CTNNAL1: variants seen among roughly 807,000 people sequenced by gnomAD.
The protein encoded by CTNNAL1 is alpha-catulin.
In CTNNAL1, 69 loss-of-function variants were observed where a neutral mutation model predicts 93.6. The ratio of observed to expected loss-of-function variants is 0.74; its 90% CI spans 0.61 to 0.90. CTNNAL1 has a LOEUF of 0.90. Ranked by LOEUF, CTNNAL1 falls within the 40% of genes least tolerant of loss-of-function variation. The pLI is 0.00. For synonymous variants in CTNNAL1, 286 were observed against 305.4 expected (o/e 0.94, Z 0.66); for missense variants, 836 against 862.0 (o/e 0.97, Z 0.38).
chr9:109,000,415 T>C (rs969246255), intron 1 of CTNNAL1, among the ~76,000 whole-genome samples: 24 of 152,016 alleles, frequency 1.6e-4, no homozygotes, highest in Admixed American at 1.1e-3. Flanking sequence ...GAAATAACAA[T>C]CAACAAGAAA....
At chr9:109,001,172 C>CAAAAAAA (rs757020475) in intron 1 of CTNNAL1, among the ~76,000 whole-genome samples, 5 of 56,774 alleles carry the variant, frequency 8.8e-5, no homozygotes, top group Admixed American at 2.2e-4. Flanking sequence ...ACTCCATCTC[C>CAAAAAAA]AAAAAAAAAA....
chr9:108,990,627 A>G, intron 4 of CTNNAL1, 99 bp downstream of exon 4: 4 of 1,418,698 alleles, frequency 2.8e-6, no homozygotes, highest in Non-Finnish European at 3.8e-6. Context: ...AGACTTAATA[A>G]GCAAAGAAAC....
intron 11 of CTNNAL1, among the ~76,000 whole-genome samples, chr9:108,964,983 C>T (rs1186113939): frequency 1.3e-5 from 2 of 152,004 alleles, no homozygotes; most frequent in East Asian, 1.9e-4. Context: ...GTGCCTCAGC[C>T]GTAGTATCTG....
intron 1 of CTNNAL1, among the ~76,000 whole-genome samples, chr9:109,007,234 CAAAAAAGAA>C (rs1362668832): frequency 1.4e-5 from 2 of 147,168 alleles, no homozygotes; most frequent in Non-Finnish European, 3.0e-5. Context: ...GACTCCATCA[CAAAAAAGAA>C]AAAAAAGAAA....
At chr9:108,950,838 T>G (rs1308411075) in intron 14 of CTNNAL1, 1 of 398,378 alleles carries the variant, frequency 2.5e-6, no homozygotes, top group Non-Finnish European at 4.4e-6. Context: ...CCCTATGAGG[T>G]AAGACTTTGT....
At chr9:108,983,901 A>G (rs1387813049) in intron 5 of CTNNAL1, among the ~76,000 whole-genome samples, 1 of 152,184 alleles carries the variant, frequency 6.6e-6, no homozygotes, top group Non-Finnish European at 1.5e-5. Context: ...GTTTGGAAAT[A>G]CTCTTGATTG....
intron 1 of CTNNAL1, among the ~76,000 whole-genome samples, chr9:109,002,023 T>A (rs1350999891): frequency 6.6e-6 from 1 of 152,170 alleles, no homozygotes; most frequent in Non-Finnish European, 1.5e-5. Flanking sequence ...TTCGAGCGAA[T>A]AAAAACTAGA....
At chr9:109,012,341 A>G (rs562110707) in intron 1 of CTNNAL1, among the ~76,000 whole-genome samples, 2 of 152,308 alleles carry the variant, frequency 1.3e-5, no homozygotes, top group East Asian at 3.9e-4. Context: ...ATTTTTAGTC[A>G]GATAATCTTT....
chr9:108,950,441 C>G, intron 14 of CTNNAL1: 1 of 1,506,870 alleles, frequency 6.6e-7, no homozygotes, highest in Non-Finnish European at 8.9e-7. Flanking sequence ...TGATAAGGTA[C>G]TGACAAATGA....
Position 108,952,317 on chromosome 9 carries a change from G to C in CTNNAL1, c.1727C>G (p.Thr576Ser). 6.2e-7 allele frequency: 1 copy of C among 1,614,186 alleles called. No individual in the cohort carries two copies. The highest frequency in any genetic ancestry group is 8.5e-7 in the Non-Finnish European group (1 of 1,180,034). ...AKLGLKLGLL[T>S]SDADCEIEKW... ...CTCAATTTCGCAGTCAGCGTCAGAG[G>C]TGAGCAAACCCAGCTTAAGTCCAAG... Residue 576 changes from threonine to serine, a missense_variant, in exon 14 of 19, where the codon ACC becomes AGC. By Grantham distance (58) the Thr-to-Ser change is moderately conservative. Coordinates refer to ENST00000325551, the MANE Select transcript of CTNNAL1 (RefSeq NM_003798.4).
In CTNNAL1 at chr9:108,992,691, T is replaced by C. The variant is rs1401260927; in HGVS notation, c.460A>G (p.Lys154Glu). Residue 154 changes from lysine to glutamate, a missense_variant, in exon 3 of 19, where the codon AAA becomes GAA. Lys to Glu is a moderately conservative substitution (Grantham distance 56, BLOSUM62 1). Coordinates refer to ENST00000325551, the MANE Select transcript of CTNNAL1 (RefSeq NM_003798.4). ...ACTCGGTCTGCCAGCAACAACACTT[T>C]TGTCACTGAAGAAAGAAGTAATCTT... Reference protein sequence around the residue: ...AARLLLSSVTKVLLLADRVVI... With the variant: ...AARLLLSSVTEVLLLADRVVI... The C allele has an allele frequency of 4.3e-6, 7 of 1,614,008 alleles. No individual in the cohort carries two copies. The highest frequency in any genetic ancestry group is 5.1e-6 in the Non-Finnish European group (6 of 1,179,946).
intron 15 of CTNNAL1, among the ~76,000 whole-genome samples, chr9:108,947,127 T>C (rs1262448658): frequency 1.3e-5 from 2 of 151,168 alleles, no homozygotes; most frequent in African/African-American, 4.9e-5. Context: ...TTTTTTTTTT[T>C]TTTTGAGATG....
chr9:109,011,140 T>C (rs1827191249), intron 1 of CTNNAL1, among the ~76,000 whole-genome samples: 1 of 152,240 alleles, frequency 6.6e-6, no homozygotes, highest in Admixed American at 6.5e-5. Flanking sequence ...GCTGTTTTAA[T>C]CTCCTAACAC....
chr9:108,990,605 G>T, intron 4 of CTNNAL1, 121 bp downstream of exon 4: 1 of 1,247,140 alleles, frequency 8.0e-7, no homozygotes, highest in South Asian at 1.7e-5. Context: ...AGGCTTTCAA[G>T]ACCAAGGCTA....
At chr9:108,987,647 C>A (rs978283326) in intron 4 of CTNNAL1, among the ~76,000 whole-genome samples, 2 of 152,092 alleles carry the variant, frequency 1.3e-5, no homozygotes, top group African/African-American at 4.8e-5. Context: ...GATATTGATT[C>A]TTCCTACCCA....
At chr9:108,972,864 G>GGCGCCCCCCCCCC in intron 8 of CTNNAL1, 31 bp from the exon 9 acceptor site, 2 of 142,566 alleles carry the variant, frequency 1.4e-5, no homozygotes, top group Non-Finnish European at 2.0e-5. Flanking sequence ...GGGGGGGTGG[G>GGCGCCCCCCCCCC]AGGGTGGAGA....
intron 14 of CTNNAL1, among the ~76,000 whole-genome samples, chr9:108,948,885 A>G (rs1336664214): frequency 6.6e-6 from 1 of 152,198 alleles, no homozygotes; most frequent in Non-Finnish European, 1.5e-5. Flanking sequence ...GGAATCTAGT[A>G]GCAACCAGTT....
chr9:108,951,691 A>G (rs1830570133), intron 14 of CTNNAL1, among the ~76,000 whole-genome samples: 1 of 152,228 alleles, frequency 6.6e-6, no homozygotes, highest in South Asian at 2.1e-4. Flanking sequence ...GCATTTGATC[A>G]AGAGTCTTGT....
chr9:109,000,127 T>A (rs10979648), intron 1 of CTNNAL1, among the ~76,000 whole-genome samples: 11,033 of 152,312 alleles, frequency 0.072, 504 homozygotes, highest in East Asian at 0.15. Flanking sequence ...GGTATTAATA[T>A]TTTAGAATTA....
Sources: allele counts gnomAD v4.1 joint callset (sites outside exome capture counted in the v4.1 genomes callset), GRCh38; gene constraint gnomAD v4.1.1; transcripts MANE v1.5; gene names NCBI Gene and HGNC (gene_info 2026-07-23, HGNC 2026-07-21).